KDM2A: variants seen among roughly 807,000 people sequenced by gnomAD.
KDM2A encodes the protein lysine-specific demethylase 2A.
In KDM2A, 3 loss-of-function variants were observed where a neutral mutation model predicts 137.3. The ratio of observed to expected loss-of-function variants is 0.02; its 90% CI spans 0.01 to 0.06. The LOEUF is 0.06. KDM2A is among the 10% of genes least tolerant of loss of function. The pLI, the probability that KDM2A is intolerant of heterozygous loss-of-function variation, is 1.00. For synonymous variants in KDM2A, 512 were observed against 541.5 expected (o/e 0.95, Z 0.76); for missense variants, 738 against 1,510.6 (o/e 0.49, Z 8.48).
At chr11:67,168,358 C>G (rs1856793642) in intron 2 of KDM2A, among the ~76,000 whole-genome samples, 1 of 151,958 alleles carries the variant, frequency 6.6e-6, no homozygotes, top group South Asian at 2.1e-4. Context: ...TACTGGGCTT[C>G]AATAACATTT....
At chr11:67,201,220 G>A (rs945573783) in intron 5 of KDM2A, among the ~76,000 whole-genome samples, 5 of 125,904 alleles carry the variant, frequency 4.0e-5, no homozygotes, top group African/African-American at 2.6e-4. Context: ...ATATATATAT[G>A]TGTGTGTGTG....
In KDM2A at chr11:67,254,207, G is replaced by A. The variant is rs771670155; in HGVS notation, c.3096G>A (p.Gln1032=). 12 of 1,613,538 alleles carry A rather than the reference G, an allele frequency of 7.4e-6. No homozygotes were observed. The African/African-American group carries it at 1.6e-4, about 22-fold the overall frequency. Residue 1032 remains glutamine, a synonymous_variant, in exon 20 of 21, where the codon CAG becomes CAA. Transcript: ENST00000529006. The surrounding 1 kb of genome is among the most constrained non-coding windows in gnomAD (Gnocchi z 4.7). ...GCTCTTCTCTTGCCTGTACAGGTCA[G>A]GACAATCGCAGCAAGCTCCGGAACA... ...LLTPPADKPG[Q]DNRSKLRNMT... is the part of the protein sequence containing the mutation.
chr11:67,128,223 G>A (rs968337585), intron 2 of KDM2A, among the ~76,000 whole-genome samples: 6 of 151,636 alleles, frequency 4.0e-5, no homozygotes, highest in African/African-American at 1.5e-4. Flanking sequence ...GGCTGGTCTC[G>A]AACTCCTGGG....
intron 17 of KDM2A, among the ~76,000 whole-genome samples, chr11:67,251,142 A>C (rs777771534): frequency 1.5e-4 from 23 of 152,122 alleles, no homozygotes; most frequent in Non-Finnish European, 2.2e-4. Flanking sequence ...TGAACTCATC[A>C]CATGTTGGTT....
chr11:67,225,718 G>A (rs185733435), intron 10 of KDM2A, among the ~76,000 whole-genome samples: 23 of 150,196 alleles, frequency 1.5e-4, no homozygotes, highest in Admixed American at 1.2e-3. Context: ...GCGGTGAGCC[G>A]AGATCACACC....
chr11:67,124,348 G>A (rs2136276988), intron 2 of KDM2A, among the ~76,000 whole-genome samples: 1 of 151,338 alleles, frequency 6.6e-6, no homozygotes, highest in South Asian at 2.1e-4. Context: ...GACTCACTCT[G>A]TTACCCAGAC....
rs1004297517 is a variant in KDM2A at position 67,134,152 on chromosome 11, T to G, written c.42+12794T>G. ...CTGGGGGAAAGATTTTTTGAAACTTTGAGGAGAGAATATGAGTGGATGAGG... is the reference window on the plus strand; with the variant it reads ...CTGGGGGAAAGATTTTTTGAAACTTGGAGGAGAGAATATGAGTGGATGAGG... On this transcript the variant is annotated intron_variant, in intron 2 of 20. Transcript: ENST00000529006. Among the ~76,000 whole-genome samples, 4 of 152,186 alleles carry G rather than the reference T, an allele frequency of 2.6e-5. No individual in the cohort carries two copies. In the South Asian group the frequency reaches 8.3e-4, roughly 31 times the overall value.
chr11:67,141,680 AAAAT>A (rs1378684761), intron 2 of KDM2A, among the ~76,000 whole-genome samples: 19 of 76,646 alleles, frequency 2.5e-4, no homozygotes, highest in African/African-American at 1.1e-3. Context: ...AAAAAAAAAA[AAAAT>A]ATATATATAT....
At chr11:67,207,065 C>T (rs1281365010) in intron 5 of KDM2A, among the ~76,000 whole-genome samples, 2 of 152,188 alleles carry the variant, frequency 1.3e-5, no homozygotes, top group Admixed American at 6.5e-5. Flanking sequence ...ATTATGGATA[C>T]TTCATTCAAA....
chr11:67,165,527 GTTGA>G (rs1237470701), intron 2 of KDM2A, among the ~76,000 whole-genome samples: 1 of 152,280 alleles, frequency 6.6e-6, no homozygotes, highest in South Asian at 2.1e-4. Context: ...GAGGTCATTT[GTTGA>G]TTAAGAGACT....
In KDM2A at chr11:67,231,734, A is replaced by G; in HGVS notation, c.1253A>G (p.Lys418Arg). 1 of 1,614,010 alleles carries G rather than the reference A, an allele frequency of 6.2e-7. No homozygotes were observed. The highest frequency in any genetic ancestry group is 8.5e-7 in the Non-Finnish European group (1 of 1,179,894). The change falls in exon 12 of 21, where the codon AAG becomes AGG. Residue 418 changes from lysine (K) to arginine (R), a missense_variant. Around this residue, in one of 9 missense-constraint regions of KDM2A, gnomAD observed 113 missense variants for 133.5 expected, o/e 0.85. Coordinates refer to ENST00000529006, the MANE Select transcript of KDM2A (RefSeq NM_012308.3). ...GKTCRSLPSLKKTLAGDSSSD... is the reference protein window; with the variant it reads ...GKTCRSLPSLRKTLAGDSSSD... Reference sequence around the variant, plus strand: ...ACCTGCCGAAGTCTTCCAAGTCTGAAGAAAACTTTGGCTGGGGACTCATCT... The same window carrying G: ...ACCTGCCGAAGTCTTCCAAGTCTGAGGAAAACTTTGGCTGGGGACTCATCT...
intron 5 of KDM2A, among the ~76,000 whole-genome samples, chr11:67,193,792 G>A (rs570708006): frequency 2.6e-5 from 4 of 152,244 alleles, no homozygotes; most frequent in South Asian, 2.1e-4. Context: ...ACCCAGGAGC[G>A]GGAGGTTGCG....
chr11:67,215,812 T>C, intron 7 of KDM2A, 44 bp from the exon 8 acceptor site: 3 of 1,496,220 alleles, frequency 2.0e-6, no homozygotes, highest in Non-Finnish European at 2.8e-6. Flanking sequence ...GCAGATGTAC[T>C]TTTTTCCATC....
chr11:67,153,381 C>T (rs1024250014), intron 2 of KDM2A, among the ~76,000 whole-genome samples: 1 of 152,114 alleles, frequency 6.6e-6, no homozygotes, highest in African/African-American at 2.4e-5. Context: ...ATTCCTCAAC[C>T]CAGTTTTTAG....
intron 2 of KDM2A, among the ~76,000 whole-genome samples, chr11:67,165,577 T>C (rs1007314088): frequency 6.6e-6 from 1 of 152,124 alleles, no homozygotes; most frequent in African/African-American, 2.4e-5. Flanking sequence ...TAATCACAGC[T>C]CCAGAGAGAA....
chr11:67,206,511 C>T (rs1189519337), intron 5 of KDM2A, among the ~76,000 whole-genome samples: 1 of 152,182 alleles, frequency 6.6e-6, no homozygotes, highest in Non-Finnish European at 1.5e-5. Context: ...CCAAGACAGG[C>T]GGATTGCCTG....
Position 67,250,289 on chromosome 11 carries a change from C to T in KDM2A, c.2259C>T (p.Arg753=), listed in dbSNP as rs757423293. 1.2e-5 allele frequency: 19 copies of T among 1,613,936 alleles called. No individual in the cohort carries two copies. In the Admixed American group the frequency reaches 2.2e-4, roughly 18 times the overall value. The change falls in exon 17 of 21, where the codon CGC becomes CGT. Residue 753 remains arginine (R), a synonymous_variant. Transcript: ENST00000529006. The surrounding 1 kb of genome is among the most constrained non-coding windows in gnomAD (Gnocchi z 7.1). ...AGPSDHHSAS[R]DERFKRRQLL... ...CCAGCGACCACCACAGTGCCAGCCG[C>T]GATGAGCGCTTCAAACGGCGGCAGT... is the stretch of plus-strand genomic sequence containing the variant.
In KDM2A at chr11:67,245,633, C is replaced by A. The variant is rs1859182103; in HGVS notation, c.1833+175C>A. ...AGGTTTAGATAGAAGGTATCTAGTA[C>A]TAAAAATCCGATTTAATCTTTAGGC... On this transcript the variant is annotated intron_variant, in intron 14 of 20. Transcript: ENST00000529006. The surrounding 1 kb of genome is among the most constrained non-coding windows in gnomAD (Gnocchi z 4.1). 1.4e-6 allele frequency: 1 copy of A among 694,940 alleles called. No homozygotes were observed. Among genetic ancestry groups the A allele is most frequent in the Non-Finnish European group, 2.4e-6 (1 of 424,618 alleles). 43.0% of individuals were successfully genotyped at this position (694,940 alleles called of 1,614,324 possible).
At chr11:67,122,746 G>T (rs1855627380) in intron 2 of KDM2A, among the ~76,000 whole-genome samples, 2 of 151,604 alleles carry the variant, frequency 1.3e-5, no homozygotes, top group African/African-American at 4.9e-5. Context: ...CGCAATCTCT[G>T]CTCACTGCAC....
Sources: gnomAD v4.1 joint callset for allele counts (sites outside exome capture counted in the v4.1 genomes callset) on GRCh38, gnomAD v4.1.1 for gene constraint, gnomAD v4.1.1 regional missense constraint, Gnocchi (gnomAD v3.1) non-coding constraint, MANE v1.5 for transcripts, NCBI Gene and HGNC (gene_info 2026-07-23, HGNC 2026-07-21) for gene names.